ABCC5: variants seen among roughly 807,000 people sequenced by gnomAD.
ABCC5 encodes ATP binding cassette subfamily C member 5.
In ABCC5, 61 loss-of-function variants were observed where a neutral mutation model predicts 160.9. That is an observed-to-expected ratio of 0.38 (90% CI 0.31 to 0.47). The LOEUF (loss-of-function observed/expected upper bound fraction) is 0.47, where lower values mean the gene tolerates loss of function less well. Among genes scored for constraint, ABCC5 ranks in the 20% least tolerant of loss-of-function variants. The probability of loss-of-function intolerance (pLI) is 0.99; values close to 1 mark genes in which losing one functional copy is unlikely to be tolerated. For missense variants in ABCC5, 1,308 were observed against 1,813.3 expected (o/e 0.72, Z 5.06); for synonymous variants, 666 against 700.6 (o/e 0.95, Z 0.78).
chr3:183,985,140 G>T (rs1427639553), intron 5 of ABCC5: 6 of 706,970 alleles, frequency 8.5e-6, no homozygotes, highest in Non-Finnish European at 1.2e-5. Flanking sequence ...ATTTTTTAGG[G>T]GATAAAGAAA....
chr3:183,977,506 G>A lies in ABCC5; in HGVS notation c.1404+11C>T. 3 of 1,596,136 alleles carry A rather than the reference G, an allele frequency of 1.9e-6. No individual in the cohort carries two copies. Among genetic ancestry groups the A allele is most frequent in the Non-Finnish European group, 1.7e-6 (2 of 1,163,890 alleles). On this transcript the variant is annotated intron_variant, in intron 10 of 29. Transcript: ENST00000334444. ...GCTCCTGACACGGGGGCAGGGGAAG[G>A]AGCCACTTACCTTAAATCTGTCAAC...
In ABCC5 at chr3:183,937,938, T is replaced by A; in HGVS notation, c.3817A>T (p.Ile1273Phe). Reference sequence around the variant, plus strand: ...CTGAACAGCACCGGCTCTTGAGGAATGATAGAGAGTTTGCTTCGGAGGTCG... The same window carrying A: ...CTGAACAGCACCGGCTCTTGAGGAAAGATAGAGAGTTTGCTTCGGAGGTCG... ...LADLRSKLSI[I>F]PQEPVLFSGT... The change falls in exon 26 of 30, where the codon ATT (isoleucine) becomes TTT (phenylalanine). Residue 1273 changes from isoleucine (I) to phenylalanine (F), a missense_variant. Coordinates refer to ENST00000334444, the MANE Select transcript of ABCC5 (RefSeq NM_005688.4). The A allele has an allele frequency of 6.2e-7, 1 of 1,614,180 alleles. No homozygotes were observed. Among genetic ancestry groups the A allele is most frequent in the Non-Finnish European group, 8.5e-7 (1 of 1,180,028 alleles).
chr3:183,954,901 G>A (rs577675911), intron 17 of ABCC5, among the ~76,000 whole-genome samples: 5 of 152,230 alleles, frequency 3.3e-5, no homozygotes, highest in African/African-American at 1.2e-4. Flanking sequence ...GGTTTGATCC[G>A]GAAAGGTGGG....
intron 26 of ABCC5, among the ~76,000 whole-genome samples, chr3:183,929,643 A>T (rs1352799248): frequency 6.6e-6 from 1 of 152,058 alleles, no homozygotes; most frequent in Non-Finnish European, 1.5e-5. Context: ...AGAAAAAGGA[A>T]TTTTCCTGGC....
intron 26 of ABCC5, among the ~76,000 whole-genome samples, chr3:183,933,747 ACAACT>A (rs1259913862): frequency 2.0e-5 from 3 of 152,170 alleles, no homozygotes; most frequent in Admixed American, 6.5e-5. Context: ...TGTACACAGA[ACAACT>A]CAACAATTTT....
At chr3:183,989,415 C>A in intron 2 of ABCC5, 32 bp from the exon 3 acceptor site, 1 of 1,611,570 alleles carries the variant, frequency 6.2e-7, no homozygotes, top group Non-Finnish European at 8.5e-7. Flanking sequence ...AAGGCAAGAG[C>A]ACAGTTAATA....
chr3:183,924,010 C>CTTTTTTTTTTTTT (rs200040197), intron 29 of ABCC5, among the ~76,000 whole-genome samples: 1 of 112,800 alleles, frequency 8.9e-6, no homozygotes, highest in Non-Finnish European at 1.7e-5. Flanking sequence ...TTACTGTTTG[C>CTTTTTTTTTTTTT]TTTTTTTTTT....
In ABCC5 at chr3:183,971,658, G is replaced by A. The variant is rs748618327; in HGVS notation, c.1666C>T (p.Arg556Trp). ...KGHLLLDSDERPSPEEEEGKH... is the reference protein window; with the variant it reads ...KGHLLLDSDEWPSPEEEEGKH... ...CCTTCTTCCTCTTCGGGACTGGGCC[G>A]CTCGTCACTGTCCAGGAGGAGGTGG... Residue 556 changes from arginine to tryptophan, a missense_variant, in exon 11 of 30, where the codon CGG (arginine) becomes TGG (tryptophan). Physicochemically the swap from Arg to Trp is moderately radical, Grantham distance 101. Transcript: ENST00000334444. 19 of 1,614,046 alleles carry A rather than the reference G, an allele frequency of 1.2e-5. No homozygotes were observed. The highest frequency in any genetic ancestry group is 2.2e-5 in the East Asian group (1 of 44,892).
Position 183,963,980 on chromosome 3 carries a change from G to A in ABCC5, c.2032-392C>T, listed in dbSNP as rs573800022. 1.3e-5 allele frequency among the ~76,000 whole-genome samples: 2 copies of A among 152,224 alleles called. No homozygotes were observed. Among genetic ancestry groups the A allele is most frequent in the African/African-American group, 4.8e-5 (2 of 41,524 alleles). On this transcript the variant is annotated intron_variant, in intron 14 of 29. Coordinates refer to ENST00000334444, the MANE Select transcript of ABCC5 (RefSeq NM_005688.4). This position sits in a 1 kb window ranked among gnomAD's most constrained non-coding sequence, Gnocchi z 4.6. ...GGATAAACCTTGAGTATCCAAACATGGCATACAAACCAGACCCTTTGTCAC... is the reference window on the plus strand; with the variant it reads ...GGATAAACCTTGAGTATCCAAACATAGCATACAAACCAGACCCTTTGTCAC...
intron 10 of ABCC5, among the ~76,000 whole-genome samples, chr3:183,974,339 A>G (rs1025041866): frequency 6.6e-6 from 1 of 151,952 alleles, no homozygotes; most frequent in Non-Finnish European, 1.5e-5. Context: ...ACAGGATCTC[A>G]CTCTGTCACC....
Position 183,963,892 on chromosome 3 carries a change from T to C in ABCC5, c.2032-304A>G, listed in dbSNP as rs534019347. 8.5e-5 allele frequency among the ~76,000 whole-genome samples: 13 copies of C among 152,256 alleles called. No homozygotes were observed. In the South Asian group the frequency reaches 2.7e-3, roughly 32 times the overall value. On this transcript the variant is annotated intron_variant, in intron 14 of 29. Transcript: ENST00000334444. This position sits in a 1 kb window ranked among gnomAD's most constrained non-coding sequence, Gnocchi z 4.6. ...ATCCATTCTCCACATGGCAGGAAGATCTTTCCAGAACACAAAGCTGACCAT... is the reference window on the plus strand; with the variant it reads ...ATCCATTCTCCACATGGCAGGAAGACCTTTCCAGAACACAAAGCTGACCAT...
At chr3:183,950,204 T>A (rs753152631) in intron 20 of ABCC5, 79 bp from the exon 21 acceptor site, 1 of 1,447,440 alleles carries the variant, frequency 6.9e-7, no homozygotes, top group African/African-American at 1.4e-5. Flanking sequence ...AAAAAGGGGT[T>A]CCACAAACTC....
In ABCC5 at chr3:183,963,660, C is replaced by T; in HGVS notation, c.2032-72G>A. On this transcript the variant is annotated intron_variant, in intron 14 of 29. Transcript: ENST00000334444. The surrounding 1 kb of genome is among the most constrained non-coding windows in gnomAD (Gnocchi z 4.6). ...ACAGCGTGGAGGGGTCACCCAGTCA[C>T]TTCTCTTCTTGCCCACCCAGACCAG... 1 of 1,469,238 alleles carries T rather than the reference C, an allele frequency of 6.8e-7. No individual in the cohort carries two copies. The allele number at this position is 1,469,238 out of a possible 1,614,324, so 91.0% of individuals were successfully genotyped here. A position where few individuals can be genotyped will look rare whatever the true frequency, so the allele number is the denominator to read the frequency against.
chr3:183,952,837 A>T (rs950530206), intron 18 of ABCC5, among the ~76,000 whole-genome samples: 2 of 152,146 alleles, frequency 1.3e-5, no homozygotes, highest in Admixed American at 1.3e-4. Flanking sequence ...AAATGGACTA[A>T]TACACAACGG....
At chr3:183,984,475 C>A in intron 5 of ABCC5, 1 of 1,050,250 alleles carries the variant, frequency 9.5e-7, no homozygotes, top group Non-Finnish European at 1.2e-6. Flanking sequence ...GAGGTAGCTA[C>A]GCTGAATTCC....
In ABCC5 at chr3:184,017,073, A is replaced by C. The variant is rs1171627814; in HGVS notation, c.-56+757T>G. Among the ~76,000 whole-genome samples, 2 of 152,192 alleles carry C rather than the reference A, an allele frequency of 1.3e-5. No homozygotes were observed. Among genetic ancestry groups the C allele is most frequent in the Non-Finnish European group, 2.9e-5 (2 of 68,022 alleles). ...ACCTTTCATACACGCTGCGGACCAC[A>C]GTAAAACCTAGCCATCTCCTCCTCC... On this transcript the variant is annotated intron_variant, in intron 1 of 29. Coordinates refer to ENST00000334444, the MANE Select transcript of ABCC5 (RefSeq NM_005688.4). The surrounding 1 kb of genome is among the most constrained non-coding windows in gnomAD (Gnocchi z 4.5).
rs1714490857 is a variant in ABCC5 at position 183,942,750 on chromosome 3, C to A, written c.3671G>T (p.Gly1224Val). The A allele has an allele frequency of 1.2e-6, 2 of 1,614,068 alleles. No individual in the cohort carries two copies. Among genetic ancestry groups the A allele is most frequent in the Non-Finnish European group, 1.7e-6 (2 of 1,179,942 alleles). Residue 1224 changes from glycine to valine, a missense_variant, in exon 25 of 30, where the codon GGC (glycine) becomes GTC (valine). Physicochemically the swap from Gly to Val is moderately radical, Grantham distance 109. Around this residue, in one of 3 missense-constraint regions of ABCC5, gnomAD observed 163 missense variants for 269.7 expected, o/e 0.60. Transcript: ENST00000334444. ...ACCTGATCCTGTCCGCCCCACAATG[C>A]CAATCTTCTCTTTAGGTTTGATCGT... Reference protein sequence around the residue: ...SFTIKPKEKIGIVGRTGSGKS... With the variant: ...SFTIKPKEKIVIVGRTGSGKS...
intron 1 of ABCC5, among the ~76,000 whole-genome samples, chr3:184,015,155 C>T (rs1722086687): frequency 6.6e-6 from 1 of 152,090 alleles, no homozygotes; most frequent in African/African-American, 2.4e-5. Flanking sequence ...AATCCTATGG[C>T]AACAAAGCTG....
intron 27 of ABCC5, 156 bp from the exon 28 acceptor site, chr3:183,927,599 C>G: frequency 2.5e-5 from 25 of 985,418 alleles, no homozygotes; most frequent in Non-Finnish European, 3.0e-5. Flanking sequence ...ACTGATCATG[C>G]GTGCTAGGAC....
Sources: gnomAD v4.1 joint callset for allele counts (sites outside exome capture counted in the v4.1 genomes callset) on GRCh38, gnomAD v4.1.1 for gene constraint, gnomAD v4.1.1 regional missense constraint, Gnocchi (gnomAD v3.1) non-coding constraint, MANE v1.5 for transcripts, NCBI Gene and HGNC (gene_info 2026-07-23, HGNC 2026-07-21) for gene names.